CLK2: variants seen among roughly 807,000 people sequenced by gnomAD.
CLK2 encodes the protein dual specificity protein kinase CLK2.
In CLK2, 12 loss-of-function variants were observed where a neutral mutation model predicts 73.5. The ratio of observed to expected loss-of-function variants is 0.16; its 90% CI spans 0.10 to 0.26. The LOEUF is 0.26. Ranked by LOEUF, CLK2 falls within the 10% of genes least tolerant of loss-of-function variation. The pLI is 1.00. For synonymous variants in CLK2, 232 were observed against 237.9 expected, an observed-to-expected ratio of 0.98 and a Z score of 0.23; for missense variants, 509 against 688.4, an observed-to-expected ratio of 0.74 and a Z score of 2.92.
Position 155,263,140 on chromosome 1 carries a change from C to T in CLK2, c.*78G>A. ...GAAGGAGTGAACTCTGGCTCGTTCT[C>T]TTGTATAAAAAAGCACCAGTGTCCT... On this transcript the variant is annotated 3_prime_UTR_variant, in exon 13 of 13. Transcript: ENST00000368361. 1 of 1,415,172 alleles carries T rather than the reference C, an allele frequency of 7.1e-7. No homozygotes were observed. The highest frequency in any genetic ancestry group is 9.5e-7 in the Non-Finnish European group (1 of 1,054,250). The allele number at this position is 1,415,172 out of a possible 1,614,324, so 87.7% of individuals were successfully genotyped here.
chr1:155,264,433 T>G (rs1463927641), intron 10 of CLK2, 35 bp downstream of exon 10: 2 of 1,610,480 alleles, frequency 1.2e-6, no homozygotes, highest in Admixed American at 1.7e-5. Context: ...GGTAGAAGAA[T>G]GCCAGGCAGT....
intron 6 of CLK2, among the ~76,000 whole-genome samples, 180 bp downstream of exon 6, chr1:155,267,830 G>T (rs1423246023): frequency 6.6e-6 from 1 of 151,896 alleles, no homozygotes; most frequent in African/African-American, 2.4e-5. Flanking sequence ...AGTGGATTAA[G>T]GAATGTCATG....
intron 6 of CLK2, among the ~76,000 whole-genome samples, chr1:155,267,253 C>G (rs1030232491): frequency 6.6e-6 from 1 of 152,014 alleles, no homozygotes; most frequent in African/African-American, 2.4e-5. Flanking sequence ...CCACCATGCC[C>G]GGCTAATTTT....
intron 1 of CLK2, 105 bp from the exon 2 acceptor site, chr1:155,271,082 C>T (rs899740107): frequency 1.2e-4 from 145 of 1,203,750 alleles, no homozygotes; most frequent in Non-Finnish European, 1.7e-4. Flanking sequence ...CCTCTTATTT[C>T]TGCCTCTTTT....
chr1:155,268,466 G>C lies in CLK2; in HGVS notation c.488-107C>G, dbSNP rs1265592443. 3 of 910,276 alleles carry C rather than the reference G, an allele frequency of 3.3e-6. No individual in the cohort carries two copies. The highest frequency in any genetic ancestry group is 1.6e-5 in the African/African-American group (1 of 61,358). The allele number at this position is 910,276 out of a possible 1,614,324, so 56.4% of individuals were successfully genotyped here. Reference sequence around the variant, plus strand: ...GCAACCTGGGGTGGAGATGAAGGAAGGGGAACAGATACAGATGGTCACAGG... The same window carrying C: ...GCAACCTGGGGTGGAGATGAAGGAACGGGAACAGATACAGATGGTCACAGG... On this transcript the variant is annotated intron_variant, in intron 4 of 12. Coordinates refer to ENST00000368361, the MANE Select transcript of CLK2 (RefSeq NM_001294338.2). The surrounding 1 kb of genome is among the most constrained non-coding windows in gnomAD (Gnocchi z 5.6).
At position 155,268,859 on chromosome 1, in the gene CLK2, G is replaced by T; in HGVS notation, c.400-64C>A. On this transcript the variant is annotated intron_variant, in intron 3 of 12. Transcript: ENST00000368361. This position sits in a 1 kb window ranked among gnomAD's most constrained non-coding sequence, Gnocchi z 5.6. ...CGGAGCGGGGGCCGGAGGGAGGCGGGGTGGGTGGTAGAGGGGTCACCGGTC... is the reference window on the plus strand; with the variant it reads ...CGGAGCGGGGGCCGGAGGGAGGCGGTGTGGGTGGTAGAGGGGTCACCGGTC... The T allele has an allele frequency of 1.0e-6, 1 of 991,500 alleles. No homozygotes were observed. Among genetic ancestry groups the T allele is most frequent in the South Asian group, 1.3e-5 (1 of 77,084 alleles). 61.4% of individuals were successfully genotyped at this position (991,500 alleles called of 1,614,324 possible). A position where few individuals can be genotyped will look rare whatever the true frequency, so the allele number is the denominator to read the frequency against.
At chr1:155,267,890 CA>C (rs1158328747) in intron 6 of CLK2, 119 bp downstream of exon 6, 1 of 722,712 alleles carries the variant, frequency 1.4e-6, no homozygotes, top group Admixed American at 2.0e-5. Context: ...AGATGATGAA[CA>C]AAAGATGAAT....
At chr1:155,269,026 G>A (rs1179990647) in intron 3 of CLK2, 6 of 606,522 alleles carry the variant, frequency 9.9e-6, no homozygotes, top group Non-Finnish European at 1.8e-5. Context: ...ACAGGGAGAG[G>A]CATGGGCAGA....
chr1:155,265,811 G>A (rs1013754931), intron 8 of CLK2, 49 bp downstream of exon 8: 29 of 1,214,642 alleles, frequency 2.4e-5, no homozygotes, highest in Non-Finnish European at 3.6e-5. Context: ...AGGCAAAGTG[G>A]TGCAGCTGCC....
At chr1:155,270,751 T>C in intron 2 of CLK2, 57 bp downstream of exon 2, 1 of 1,544,042 alleles carries the variant, frequency 6.5e-7, no homozygotes, top group East Asian at 2.3e-5. Flanking sequence ...AAGTATTTGT[T>C]GAACAAAGGA....
chr1:155,270,749 G>A (rs996902758), intron 2 of CLK2, 59 bp downstream of exon 2: 1 of 1,536,806 alleles, frequency 6.5e-7, no homozygotes, highest in African/African-American at 1.4e-5. Flanking sequence ...ATAAGTATTT[G>A]TTGAACAAAG....
intron 3 of CLK2, 174 bp downstream of exon 3, chr1:155,269,314 C>G (rs1336157966): frequency 1.6e-6 from 1 of 627,894 alleles, no homozygotes; most frequent in Non-Finnish European, 2.8e-6. Flanking sequence ...ATCTCCAAAG[C>G]AGATCCAGGG....
intron 8 of CLK2, among the ~76,000 whole-genome samples, chr1:155,264,998 C>A (rs1673158965): frequency 6.6e-6 from 1 of 152,164 alleles, no homozygotes; most frequent in Non-Finnish European, 1.5e-5. Context: ...GCGTGCACAT[C>A]TGTAAGCATC....
At position 155,264,036 on chromosome 1, in the gene CLK2, G is replaced by C. The variant is rs1425273085; in HGVS notation, c.1231C>G (p.Gln411Glu). 3.1e-6 allele frequency: 5 copies of C among 1,613,614 alleles called. No individual in the cohort carries two copies. The highest frequency in any genetic ancestry group is 4.2e-6 in the Non-Finnish European group (5 of 1,179,536). Residue 411 changes from glutamine (Q) to glutamate (E), a missense_variant, in exon 12 of 13, where the codon CAG becomes GAG. Around this residue, in one of 6 missense-constraint regions of CLK2, gnomAD observed 134 missense variants for 146.0 expected, o/e 0.92. Coordinates refer to ENST00000368361, the MANE Select transcript of CLK2 (RefSeq NM_001294338.2). ...AGGCGACCCCGGTAAAAATATTTCT[G>C]CTTTCTAGAGGGGAAGGGGAGGTTG... ...PSRMIRKTRK[Q>E]KYFYRGRLDW...
At chr1:155,265,338 A>G (rs1191607430) in intron 8 of CLK2, among the ~76,000 whole-genome samples, 2 of 152,114 alleles carry the variant, frequency 1.3e-5, no homozygotes, top group African/African-American at 4.8e-5. Context: ...AGCCCGAGAC[A>G]GGCAGATCAC....
intron 7 of CLK2, among the ~76,000 whole-genome samples, chr1:155,266,429 G>A (rs1315296866): frequency 6.6e-6 from 1 of 152,168 alleles, no homozygotes; most frequent in African/African-American, 2.4e-5. Flanking sequence ...TATGTTTGCT[G>A]TCTGACTGAT....
rs1673085049 is a variant in CLK2 at position 155,263,509 on chromosome 1, T to C, written c.1318-109A>G. ...GAACCAAGGCTCTGCTTGCAACCAA[T>C]TTGAAGGCTACCTAACCACGACCAC... is the stretch of plus-strand genomic sequence containing the variant. On this transcript the variant is annotated intron_variant, in intron 12 of 12. Coordinates refer to ENST00000368361, the MANE Select transcript of CLK2 (RefSeq NM_001294338.2). 1.1e-5 allele frequency: 17 copies of C among 1,484,564 alleles called. No individual in the cohort carries two copies. The East Asian group carries it at 3.8e-4, about 34-fold the overall frequency. The allele number at this position is 1,484,564 out of a possible 1,614,324, so 92.0% of individuals were successfully genotyped here. A position where few individuals can be genotyped will look rare whatever the true frequency, so the allele number is the denominator to read the frequency against.
intron 6 of CLK2, 57 bp from the exon 7 acceptor site, chr1:155,266,952 G>A (rs1190215119): frequency 6.3e-7 from 1 of 1,581,072 alleles, no homozygotes; most frequent in Non-Finnish European, 8.6e-7. Context: ...CTGCCCATCA[G>A]CCATCCAACA....
intron 1 of CLK2, 44 bp from the exon 2 acceptor site, chr1:155,271,021 C>T (rs1409748512): frequency 6.3e-7 from 1 of 1,585,458 alleles, no homozygotes; most frequent in African/African-American, 1.3e-5. Context: ...TTCGAGTTTT[C>T]AGAAATCTCC....
Sources: allele counts gnomAD v4.1 joint callset (sites outside exome capture counted in the v4.1 genomes callset), GRCh38; gene constraint gnomAD v4.1.1; regional missense constraint gnomAD v4.1.1; non-coding constraint Gnocchi (gnomAD v3.1); transcripts MANE v1.5; gene names NCBI Gene and HGNC (gene_info 2026-07-23, HGNC 2026-07-21).